The following ATP13A4 variants were observed in gnomAD, a reference collection of about 807,000 sequenced individuals.
ATP13A4 encodes probable cation-transporting ATPase 13A4.
In ATP13A4, 114 loss-of-function variants were observed where a neutral mutation model predicts 142.5. The observed-to-expected ratio is 0.80, with a 90% CI of 0.69 to 0.93. The LOEUF is 0.93. Among genes scored for constraint, ATP13A4 ranks in the 40% least tolerant of loss-of-function variants. The pLI, the probability that ATP13A4 is intolerant of heterozygous loss-of-function variation, is 0.00. For missense variants in ATP13A4, 1,392 were observed against 1,454.0 expected (o/e 0.96, Z 0.69); for synonymous variants, 488 against 514.8 (o/e 0.95, Z 0.70).
intron 28 of ATP13A4, among the ~76,000 whole-genome samples, chr3:193,409,838 T>C (rs1451436973): frequency 6.6e-6 from 1 of 152,214 alleles, no homozygotes; most frequent in African/African-American, 2.4e-5. Flanking sequence ...TTTAGGAGTC[T>C]GATACGCAAT....
chr3:193,483,828 G>C (rs1008289547), intron 8 of ATP13A4, 108 bp downstream of exon 8: 8 of 1,016,946 alleles, frequency 7.9e-6, no homozygotes, highest in Non-Finnish European at 1.2e-5. Flanking sequence ...AATGCCTAAG[G>C]AGAAATGAAT....
At chr3:193,527,112 C>G (rs1293187108) in intron 1 of ATP13A4, among the ~76,000 whole-genome samples, 1 of 152,142 alleles carries the variant, frequency 6.6e-6, no homozygotes, top group South Asian at 2.1e-4. Context: ...AAGCAAAAAT[C>G]AGTGGCTGGG....
intron 14 of ATP13A4, 168 bp downstream of exon 14, chr3:193,458,913 T>C: frequency 2.4e-6 from 2 of 840,234 alleles, no homozygotes; most frequent in South Asian, 2.7e-5. Flanking sequence ...TATTATTAGC[T>C]TCATTGCACA....
At position 193,539,014 on chromosome 3, in the gene ATP13A4, C is replaced by A. The variant is rs560756841; in HGVS notation, c.60+15726G>T. Among the ~76,000 whole-genome samples, 6 of 150,552 alleles carry A rather than the reference C, an allele frequency of 4.0e-5. No homozygotes were observed. The South Asian group carries it at 1.3e-3, about 32-fold the overall frequency. ...TCAGTCTCCCTAGTAGCTGGGATTACAGGCATGTGCCACCACGCCCAGCTA... is the reference window on the plus strand; with the variant it reads ...TCAGTCTCCCTAGTAGCTGGGATTAAAGGCATGTGCCACCACGCCCAGCTA... On this transcript the variant is annotated intron_variant, in intron 1 of 29. Transcript: ENST00000342695.
chr3:193,410,082 T>C (rs1418957024), intron 28 of ATP13A4, among the ~76,000 whole-genome samples: 5 of 152,168 alleles, frequency 3.3e-5, no homozygotes, highest in Admixed American at 2.6e-4. Context: ...AAAAGTAGGA[T>C]AGGTTAAGGG....
Position 193,448,327 on chromosome 3 carries a change from C to A in ATP13A4, c.2031G>T (p.Glu677Asp), listed in dbSNP as rs913477930. Residue 677 changes from glutamate (E) to aspartate (D), a missense_variant, in exon 18 of 30, where the codon GAG becomes GAT. By Grantham distance (45) the Glu-to-Asp change is conservative. Transcript: ENST00000342695. ...GAAATATCAGGTCTGATTCTACCGT[C>A]TCCCTGAAAATACATATATAGATGT... ...NDHHATTLTR[E>D]TVESDLIFLG... 5.0e-6 allele frequency: 8 copies of A among 1,613,934 alleles called. No individual in the cohort carries two copies. The highest frequency in any genetic ancestry group is 6.8e-6 in the Non-Finnish European group (8 of 1,179,980).
chr3:193,494,259 C>G (rs913117363), intron 3 of ATP13A4, among the ~76,000 whole-genome samples: 1 of 152,010 alleles, frequency 6.6e-6, no homozygotes, highest in African/African-American at 2.4e-5. Flanking sequence ...CAAATCTAAA[C>G]TACACTCTAG....
chr3:193,572,290 T>C (rs1053808898), intron 2 of ATP13A4, among the ~76,000 whole-genome samples: 1 of 152,200 alleles, frequency 6.6e-6, no homozygotes, highest in Admixed American at 6.5e-5. Flanking sequence ...ATATGGGAAC[T>C]CTCTATCCTA....
intron 3 of ATP13A4, 61 bp downstream of exon 3, chr3:193,502,432 A>G: frequency 6.4e-7 from 1 of 1,561,398 alleles, no homozygotes; most frequent in Non-Finnish European, 8.8e-7. Context: ...ATTTAACTAT[A>G]TACTTGAGGG....
At chr3:193,452,331 A>C (rs942208176) in intron 17 of ATP13A4, among the ~76,000 whole-genome samples, 2 of 152,108 alleles carry the variant, frequency 1.3e-5, no homozygotes, top group African/African-American at 4.8e-5. Context: ...CCCTTACTTG[A>C]GTGACCCTGA....
At chr3:193,578,413 C>A (rs373185993) in intron 2 of ATP13A4, among the ~76,000 whole-genome samples, 48 of 152,038 alleles carry the variant, frequency 3.2e-4, no homozygotes, top group African/African-American at 1.1e-3. Context: ...TAGTTGGTTT[C>A]TGGGAAGCAA....
In ATP13A4 at chr3:193,419,499, T is replaced by C. The variant is rs753845380; in HGVS notation, c.2843-4749A>G. Among the ~76,000 whole-genome samples the C allele has an allele frequency of 4.7e-5, 7 of 150,014 alleles. 2 individuals carry two copies. The highest frequency in any genetic ancestry group is 3.4e-4 in the Admixed American group (5 of 14,568). ...TGCCTCCCCAGTGCCTGAGTTGAAG[T>C]AGTGCCCTGTCTCCCAGGAACTGGT... is the stretch of plus-strand genomic sequence containing the variant. On this transcript the variant is annotated intron_variant, in intron 25 of 29. Coordinates refer to ENST00000342695, the MANE Select transcript of ATP13A4 (RefSeq NM_032279.4).
At position 193,402,797 on chromosome 3, in the gene ATP13A4, C is replaced by G. The variant is rs1313444021; in HGVS notation, c.3446G>C (p.Ser1149Thr). The G allele has an allele frequency of 1.9e-6, 3 of 1,614,058 alleles. No homozygotes were observed. The African/African-American group carries it at 4.0e-5, about 22-fold the overall frequency. ...GTCCCTCTGCCATATCCGATACTGG[C>G]TTTTTGACTGATAGCCGAAACATCT... is the stretch of plus-strand genomic sequence containing the variant. Reference protein sequence around the residue: ...IKRCFGYQSKSQYRIWQRDLA... With the variant: ...IKRCFGYQSKTQYRIWQRDLA... Residue 1149 changes from serine (S) to threonine (T), a missense_variant, in exon 30 of 30, where the codon AGC becomes ACC. Coordinates refer to ENST00000342695, the MANE Select transcript of ATP13A4 (RefSeq NM_032279.4).
chr3:193,533,885 G>A (rs78270392), intron 1 of ATP13A4, among the ~76,000 whole-genome samples: 8,022 of 152,274 alleles, frequency 0.053, 251 homozygotes, highest in Non-Finnish European at 0.082. Flanking sequence ...TATCAGTGGA[G>A]ACCATGTGGA....
chr3:193,436,532 C>G lies in ATP13A4; in HGVS notation c.2673-788G>C, dbSNP rs376593805. On this transcript the variant is annotated intron_variant, in intron 23 of 29. Transcript: ENST00000342695. The stretch of plus-strand genomic sequence containing the variant: ...GCATGATGTCAGCTCACTGCAACCT[C>G]TGCCTACCAGGTTCAAGTGATTCGC... 2.0e-5 allele frequency among the ~76,000 whole-genome samples: 3 copies of G among 152,052 alleles called. No homozygotes were observed. In the East Asian group the frequency reaches 5.9e-4, roughly 30 times the overall value.
At chr3:193,488,439 A>T (rs910877498) in intron 7 of ATP13A4, among the ~76,000 whole-genome samples, 1 of 152,136 alleles carries the variant, frequency 6.6e-6, no homozygotes, top group Non-Finnish European at 1.5e-5. Flanking sequence ...TCCCAGCGGG[A>T]GGGAGCCTTA....
In ATP13A4 at chr3:193,457,140, C is replaced by T. The variant is rs1224524332; in HGVS notation, c.1775G>A (p.Gly592Glu). Residue 592 changes from glycine (G) to glutamate (E), a missense_variant, in exon 16 of 30, where the codon GGA (glycine) becomes GAA (glutamate). Coordinates refer to ENST00000342695, the MANE Select transcript of ATP13A4 (RefSeq NM_032279.4). Reference sequence around the variant, plus strand: ...TGGGAACTGATGCAGGATTGCAATTCCTTCCACTGGGACCTGGTTGAGGGA... The same window carrying T: ...TGGGAACTGATGCAGGATTGCAATTTCTTCCACTGGGACCTGGTTGAGGGA... ...CRTASQVPVE[G>E]IAILHQFPFS... 8 of 1,612,948 alleles carry T rather than the reference C, an allele frequency of 5.0e-6. No individual in the cohort carries two copies. In the African/African-American group the frequency reaches 9.3e-5, roughly 19 times the overall value.
chr3:193,513,915 C>CA (rs1466198377), intron 2 of ATP13A4, among the ~76,000 whole-genome samples: 2 of 152,210 alleles, frequency 1.3e-5, no homozygotes, highest in Non-Finnish European at 2.9e-5. Flanking sequence ...GAGGAACGGT[C>CA]AGTGTGAACT....
intron 1 of ATP13A4, among the ~76,000 whole-genome samples, chr3:193,521,568 C>T (rs1560253537): frequency 1.3e-5 from 2 of 152,154 alleles, no homozygotes; most frequent in Non-Finnish European, 2.9e-5. Flanking sequence ...TTGGTTGGGA[C>T]TTCGGGATTC....
Sources: allele counts gnomAD v4.1 joint callset (sites outside exome capture counted in the v4.1 genomes callset), GRCh38; gene constraint gnomAD v4.1.1; transcripts MANE v1.5; gene names NCBI Gene and HGNC (gene_info 2026-07-23, HGNC 2026-07-21).